Variants in NDUFC1 observed in about 807,000 individuals in gnomAD.
The protein encoded by NDUFC1 is NADH dehydrogenase [ubiquinone] 1 subunit C1, mitochondrial.
In NDUFC1, 11 loss-of-function variants were observed where a neutral mutation model predicts 11.6. That is an observed-to-expected ratio of 0.95 (90% CI 0.60 to 1.58). The LOEUF (loss-of-function observed/expected upper bound fraction) is 1.58, where lower values mean the gene tolerates loss of function less well. Among genes scored for constraint, NDUFC1 ranks in the 40% most tolerant of loss-of-function variants. The probability of loss-of-function intolerance (pLI) is 0.00; values close to 1 mark genes in which losing one functional copy is unlikely to be tolerated. For synonymous variants in NDUFC1, 52 were observed against 42.2 expected, an observed-to-expected ratio of 1.23 and a Z score of -0.90; for missense variants, 112 against 93.0, an observed-to-expected ratio of 1.20 and a Z score of -0.84.
chr4:139,301,652 G>A, intron 1 of NDUFC1: 1 of 1,123,612 alleles, frequency 8.9e-7, no homozygotes, highest in South Asian at 1.5e-5. Flanking sequence ...CGACACCCGA[G>A]GCCTGGTGGT....
chr4:139,297,736 T>C (rs1030984344), intron 1 of NDUFC1, among the ~76,000 whole-genome samples: 2 of 152,214 alleles, frequency 1.3e-5, no homozygotes, highest in Non-Finnish European at 2.9e-5. Context: ...CCTATTTTTA[T>C]TGATACAGCA....
At chr4:139,301,586 T>G in intron 1 of NDUFC1, 1 of 622,256 alleles carries the variant, frequency 1.6e-6, no homozygotes. Flanking sequence ...CAGCGTTAAG[T>G]GAGAAAGGAA....
chr4:139,295,975 T>C lies in NDUFC1; in HGVS notation c.-162-15A>G, dbSNP rs570813528. Reference sequence around the variant, plus strand: ...CAGCCTTCTGTCTATACAGTGGAATTAGGAAGAAAATAATTAAAAGAAAAA... The same window carrying C: ...CAGCCTTCTGTCTATACAGTGGAATCAGGAAGAAAATAATTAAAAGAAAAA... On this transcript the variant is annotated splice_polypyrimidine_tract_variant and intron_variant, in intron 2 of 5. Transcript: ENST00000394223. 2 of 574,630 alleles carry C rather than the reference T, an allele frequency of 3.5e-6. No homozygotes were observed. Among genetic ancestry groups the C allele is most frequent in the Admixed American group, 4.1e-5 (1 of 24,512 alleles). 35.6% of individuals were successfully genotyped at this position (574,630 alleles called of 1,614,324 possible).
At chr4:139,301,215 AG>A in intron 1 of NDUFC1, 1 of 259,398 alleles carries the variant, frequency 3.9e-6, no homozygotes, top group Non-Finnish European at 7.3e-6. Flanking sequence ...ACTCTTTCCA[AG>A]GAATGAAAGG....
chr4:139,294,607 C>T (rs1452661826), intron 4 of NDUFC1, among the ~76,000 whole-genome samples: 8 of 151,706 alleles, frequency 5.3e-5, no homozygotes, highest in Non-Finnish European at 1.2e-4. Flanking sequence ...TGGTGGCGGG[C>T]GCCTGTAGTC....
intron 1 of NDUFC1, among the ~76,000 whole-genome samples, chr4:139,298,705 G>T (rs1216313095): frequency 3.3e-4 from 50 of 150,528 alleles, no homozygotes; most frequent in Admixed American, 2.3e-3. Flanking sequence ...CAAGGTCTCA[G>T]CTCTGTTGCC....
Position 139,292,544 on chromosome 4 carries a change from A to C in NDUFC1, c.*6T>G. 1 of 1,526,382 alleles carries C rather than the reference A, an allele frequency of 6.6e-7. No homozygotes were observed. The highest frequency in any genetic ancestry group is 9.0e-7 in the Non-Finnish European group (1 of 1,109,310). The allele number at this position is 1,526,382 out of a possible 1,614,324, so 94.6% of individuals were successfully genotyped here. Reference sequence around the variant, plus strand: ...TGTATACTTACTACATTAGTGTTTCAAAAGTTTATTCCAGCCCATTTCTTC... The same window carrying C: ...TGTATACTTACTACATTAGTGTTTCCAAAGTTTATTCCAGCCCATTTCTTC... On this transcript the variant is annotated 3_prime_UTR_variant, in exon 5 of 6. Coordinates refer to ENST00000394223, the MANE Select transcript of NDUFC1 (RefSeq NM_001184989.2).
intron 4 of NDUFC1, among the ~76,000 whole-genome samples, chr4:139,294,603 C>T (rs922401800): frequency 6.6e-6 from 1 of 151,710 alleles, no homozygotes; most frequent in Admixed American, 6.6e-5. Context: ...GGCGTGGTGG[C>T]GGGCGCCTGT....
chr4:139,292,315 C>T (rs1485697255), intron 5 of NDUFC1, among the ~76,000 whole-genome samples: 1 of 151,036 alleles, frequency 6.6e-6, no homozygotes, highest in Non-Finnish European at 1.5e-5. Context: ...TACAAACAAA[C>T]AAACAACAAA....
intron 2 of NDUFC1, 70 bp from the exon 3 acceptor site, chr4:139,296,030 G>T: frequency 3.9e-6 from 2 of 506,856 alleles, no homozygotes; most frequent in South Asian, 3.0e-5. Flanking sequence ...TCCTCTGGGG[G>T]TTTTTCACCC....
intron 1 of NDUFC1, among the ~76,000 whole-genome samples, chr4:139,299,163 T>C (rs977830737): frequency 4.6e-5 from 7 of 151,892 alleles, no homozygotes; most frequent in Admixed American, 3.3e-4. Context: ...AGAGACGGGG[T>C]TTCACCATGT....
At chr4:139,302,078 C>T (rs553888800) in intron 1 of NDUFC1, 12 of 406,348 alleles carry the variant, frequency 3.0e-5, no homozygotes, top group South Asian at 1.4e-4. Flanking sequence ...TAGGCCCCGA[C>T]CTCCCGGCTT....
chr4:139,298,660 T>A (rs1027274222), intron 1 of NDUFC1, among the ~76,000 whole-genome samples: 2 of 150,972 alleles, frequency 1.3e-5, no homozygotes, highest in Non-Finnish European at 3.0e-5. Flanking sequence ...GACAAATACA[T>A]GAATTTCTTT....
intron 1 of NDUFC1, among the ~76,000 whole-genome samples, chr4:139,300,398 C>T (rs1469788397): frequency 1.3e-5 from 2 of 152,080 alleles, no homozygotes; most frequent in Non-Finnish European, 2.9e-5. Context: ...AATATCTTTG[C>T]AAATAAATTT....
At chr4:139,294,604 G>A (rs1440294214) in intron 4 of NDUFC1, among the ~76,000 whole-genome samples, 3 of 151,708 alleles carry the variant, frequency 2.0e-5, no homozygotes, top group Non-Finnish European at 2.9e-5. Flanking sequence ...GCGTGGTGGC[G>A]GGCGCCTGTA....
intron 1 of NDUFC1, chr4:139,301,998 C>T (rs574346350): frequency 6.1e-6 from 4 of 653,770 alleles, no homozygotes; most frequent in South Asian, 5.2e-5. Context: ...GTGGTTCCTA[C>T]TATGGCCCGC....
chr4:139,294,109 T>C (rs974234140), intron 4 of NDUFC1, among the ~76,000 whole-genome samples: 1 of 151,460 alleles, frequency 6.6e-6, no homozygotes, highest in African/African-American at 2.4e-5. Context: ...ACCTGGCTAA[T>C]TTTTTTTGTA....
intron 1 of NDUFC1, chr4:139,302,121 G>A: frequency 2.8e-6 from 1 of 356,928 alleles, no homozygotes. Flanking sequence ...CCCCGATCTG[G>A]GGGAGAAGAG....
intron 5 of NDUFC1, among the ~76,000 whole-genome samples, chr4:139,290,614 GTTAC>G (rs1745171559): frequency 1.3e-5 from 2 of 151,792 alleles, no homozygotes; most frequent in Non-Finnish European, 2.9e-5. Context: ...GCAGATATAA[GTTAC>G]TTAATCAACC....
Sources: gnomAD v4.1 joint callset for allele counts (sites outside exome capture counted in the v4.1 genomes callset) on GRCh38, gnomAD v4.1.1 for gene constraint, MANE v1.5 for transcripts, NCBI Gene and HGNC (gene_info 2026-07-23, HGNC 2026-07-21) for gene names.